The following ADGRB3 variants were observed in gnomAD, a reference collection of about 807,000 sequenced individuals.
The protein encoded by ADGRB3 is adhesion G protein-coupled receptor B3.
In ADGRB3, 37 loss-of-function variants were observed where a neutral mutation model predicts 193.4. The observed-to-expected ratio is 0.19, with a 90% CI of 0.15 to 0.25. ADGRB3 has a LOEUF of 0.25. ADGRB3 is among the 10% of genes least tolerant of loss of function. ADGRB3 has a pLI of 1.00. For synonymous variants in ADGRB3, 690 were observed against 644.2 expected, an observed-to-expected ratio of 1.07 and a Z score of -1.08; for missense variants, 1,637 against 1,852.9, an observed-to-expected ratio of 0.88 and a Z score of 2.14.
At chr6:68,725,197 C>A (rs1205922194) in intron 3 of ADGRB3, among the ~76,000 whole-genome samples, 2 of 151,606 alleles carry the variant, frequency 1.3e-5, no homozygotes, top group East Asian at 1.9e-4. Flanking sequence ...GTTGGAGGAA[C>A]AATGGGAGCC....
intron 11 of ADGRB3, among the ~76,000 whole-genome samples, chr6:68,996,941 G>T (rs1276690523): frequency 2.6e-5 from 4 of 152,084 alleles, no homozygotes; most frequent in African/African-American, 9.7e-5. Flanking sequence ...AGGTATCCAT[G>T]AACTTTTTTC....
chr6:68,876,674 T>C (rs1765603347), intron 3 of ADGRB3, among the ~76,000 whole-genome samples: 2 of 152,218 alleles, frequency 1.3e-5, no homozygotes, highest in Admixed American at 6.5e-5. Flanking sequence ...CTAAATACTT[T>C]CTTTTTATGG....
At chr6:69,233,864 T>C (rs1209160555) in intron 18 of ADGRB3, among the ~76,000 whole-genome samples, 1 of 152,308 alleles carries the variant, frequency 6.6e-6, no homozygotes, top group East Asian at 1.9e-4. Context: ...TGTCCTTGGA[T>C]GTAAATATAA....
intron 20 of ADGRB3, among the ~76,000 whole-genome samples, chr6:69,304,596 G>A (rs900732619): frequency 2.0e-5 from 3 of 151,416 alleles, no homozygotes; most frequent in Admixed American, 6.6e-5. Flanking sequence ...GTTATATTTT[G>A]TCAGTCTCTG....
intron 19 of ADGRB3, among the ~76,000 whole-genome samples, chr6:69,236,793 G>A (rs1197817102): frequency 6.6e-6 from 1 of 151,904 alleles, no homozygotes; most frequent in Non-Finnish European, 1.5e-5. Context: ...CCATAATAAA[G>A]TTTTCTTTAA....
intron 3 of ADGRB3, among the ~76,000 whole-genome samples, chr6:68,663,201 T>C (rs1047482062): frequency 6.6e-6 from 1 of 151,594 alleles, no homozygotes; most frequent in African/African-American, 2.4e-5. Context: ...AGAATTTTCA[T>C]TGCATTTGTA....
chr6:68,815,400 C>T (rs1000443654), intron 3 of ADGRB3, among the ~76,000 whole-genome samples: 1 of 151,966 alleles, frequency 6.6e-6, no homozygotes, highest in Non-Finnish European at 1.5e-5. Flanking sequence ...CAAAGTAAAC[C>T]AAAATTGTCT....
chr6:69,239,353 T>G (rs1766337418), intron 20 of ADGRB3, 127 bp downstream of exon 20: 1 of 646,098 alleles, frequency 1.5e-6, no homozygotes, highest in African/African-American at 1.9e-5. Context: ...AAAGCAAAAT[T>G]TTGTTATTGG....
chr6:68,706,730 G>A (rs1765331253), intron 3 of ADGRB3, among the ~76,000 whole-genome samples: 1 of 152,214 alleles, frequency 6.6e-6, no homozygotes, highest in Admixed American at 6.5e-5. Flanking sequence ...TTAAATGTTA[G>A]TGTTACTACA....
intron 3 of ADGRB3, among the ~76,000 whole-genome samples, chr6:68,789,581 C>T (rs984207577): frequency 6.6e-6 from 1 of 152,162 alleles, no homozygotes; most frequent in Non-Finnish European, 1.5e-5. Context: ...TCTGGCTGCC[C>T]TTAACATTTT....
intron 20 of ADGRB3, among the ~76,000 whole-genome samples, chr6:69,318,143 C>A (rs576734567): frequency 1.3e-5 from 2 of 151,132 alleles, no homozygotes; most frequent in East Asian, 3.9e-4. Context: ...TGGTAGACAT[C>A]TTCCTTTTTT....
intron 3 of ADGRB3, among the ~76,000 whole-genome samples, chr6:68,743,927 C>G (rs772374189): frequency 6.6e-6 from 1 of 151,408 alleles, no homozygotes; most frequent in Non-Finnish European, 1.5e-5. Context: ...ATGGTTAGAG[C>G]CCTCCTCCTT....
intron 3 of ADGRB3, among the ~76,000 whole-genome samples, chr6:68,916,608 G>A (rs1429152004): frequency 1.3e-5 from 2 of 152,150 alleles, no homozygotes; most frequent in East Asian, 1.9e-4. Context: ...TTGGTCTTAC[G>A]AAATCACTGT....
At chr6:68,695,883 A>C (rs1310888207) in intron 3 of ADGRB3, among the ~76,000 whole-genome samples, 2 of 152,004 alleles carry the variant, frequency 1.3e-5, no homozygotes, top group South Asian at 4.1e-4. Context: ...TGCGTGTGAC[A>C]CATTAAATGT....
chr6:68,750,039 T>C (rs1454532796), intron 3 of ADGRB3, among the ~76,000 whole-genome samples: 3 of 152,130 alleles, frequency 2.0e-5, no homozygotes, highest in South Asian at 2.1e-4. Flanking sequence ...TCCTTGATAA[T>C]TGAAAAAAAT....
intron 11 of ADGRB3, among the ~76,000 whole-genome samples, chr6:69,011,135 A>ATG (rs66675226): frequency 0.014 from 2,011 of 145,000 alleles, 14 homozygotes; most frequent in South Asian, 0.029. Context: ...ATACATATAT[A>ATG]TGTGTGTGTG....
intron 3 of ADGRB3, among the ~76,000 whole-genome samples, chr6:68,719,739 T>C (rs984440992): frequency 6.6e-6 from 1 of 151,842 alleles, no homozygotes; most frequent in South Asian, 2.1e-4. Context: ...AAAACCTTTT[T>C]TTTAGTGGTC....
intron 3 of ADGRB3, among the ~76,000 whole-genome samples, chr6:68,782,104 A>C (rs1766865137): frequency 7.1e-6 from 1 of 140,902 alleles, no homozygotes; most frequent in East Asian, 2.3e-4. Flanking sequence ...TATATCTCCT[A>C]ATGCTATCCC....
intron 13 of ADGRB3, among the ~76,000 whole-genome samples, chr6:69,038,129 T>C (rs533231486): frequency 6.6e-6 from 1 of 152,322 alleles, no homozygotes; most frequent in South Asian, 2.1e-4. Context: ...ATGATCTCTT[T>C]TCCTTTGTTA....
Sources: gnomAD v4.1 joint callset for allele counts (sites outside exome capture counted in the v4.1 genomes callset) on GRCh38, gnomAD v4.1.1 for gene constraint, MANE v1.5 for transcripts, NCBI Gene and HGNC (gene_info 2026-07-23, HGNC 2026-07-21) for gene names.